DLGAP1: variants seen among roughly 807,000 people sequenced by gnomAD.
DLGAP1 encodes disks large-associated protein 1.
A neutral mutation model predicts 90.8 loss-of-function variants in DLGAP1; 11 were observed. That is an observed-to-expected ratio of 0.12 (90% CI 0.08 to 0.20). The LOEUF (loss-of-function observed/expected upper bound fraction) is 0.20, where lower values mean the gene tolerates loss of function less well. Among genes scored for constraint, DLGAP1 ranks in the 10% least tolerant of loss-of-function variants. The probability of loss-of-function intolerance (pLI) is 1.00; values close to 1 mark genes in which losing one functional copy is unlikely to be tolerated. For missense variants in DLGAP1, 1,050 were observed against 1,333.8 expected (o/e 0.79, Z 3.31); for synonymous variants, 558 against 540.7 (o/e 1.03, Z -0.44).
At chr18:3,844,849 T>A (rs982599117) in intron 4 of DLGAP1, among the ~76,000 whole-genome samples, 2 of 152,202 alleles carry the variant, frequency 1.3e-5, no homozygotes, top group African/African-American at 4.8e-5. Flanking sequence ...AAATTCAACA[T>A]CAATTTACAC....
At chr18:4,403,849 T>C (rs2082608240) in intron 1 of DLGAP1, among the ~76,000 whole-genome samples, 1 of 152,192 alleles carries the variant, frequency 6.6e-6, no homozygotes, top group African/African-American at 2.4e-5. Context: ...GGTTTCACAC[T>C]TAAGTAATTA....
chr18:3,970,770 C>T (rs537398309), intron 3 of DLGAP1, among the ~76,000 whole-genome samples: 2 of 152,186 alleles, frequency 1.3e-5, no homozygotes, highest in African/African-American at 4.8e-5. Context: ...TTAATATTAA[C>T]ATTAAAAATC....
At chr18:3,751,868 CT>C (rs1198123750) in intron 5 of DLGAP1, among the ~76,000 whole-genome samples, 1 of 137,146 alleles carries the variant, frequency 7.3e-6, no homozygotes, top group Non-Finnish European at 1.5e-5. Flanking sequence ...CGGACTTCTT[CT>C]TCTTCTTCTT....
Position 4,454,884 on chromosome 18 carries a change from G to A in DLGAP1, c.-267+122C>T, listed in dbSNP as rs2083935081. 1 of 151,466 alleles carries A rather than the reference G, an allele frequency of 6.6e-6. No individual in the cohort carries two copies. The highest frequency in any genetic ancestry group is 1.5e-5 in the Non-Finnish European group (1 of 67,820). The allele number at this position is 151,466 out of a possible 1,614,324, so 9.4% of individuals were successfully genotyped here. A position where few individuals can be genotyped will look rare whatever the true frequency, so the allele number is the denominator to read the frequency against. ...GCCAGCGGCCGGGGGAGCCCAGCCCGCAGCCCCTCCGCGGGCGAGGGAAGC... is the reference window on the plus strand; with the variant it reads ...GCCAGCGGCCGGGGGAGCCCAGCCCACAGCCCCTCCGCGGGCGAGGGAAGC... On this transcript the variant is annotated intron_variant, in intron 1 of 12. Transcript: ENST00000315677. This position sits in a 1 kb window ranked among gnomAD's most constrained non-coding sequence, Gnocchi z 4.7.
intron 1 of DLGAP1, among the ~76,000 whole-genome samples, chr18:4,163,470 T>C (rs1345766434): frequency 6.6e-6 from 1 of 152,222 alleles, no homozygotes; most frequent in Non-Finnish European, 1.5e-5. Flanking sequence ...GAAAGTGTGA[T>C]ATGAACTGTA....
intron 3 of DLGAP1, among the ~76,000 whole-genome samples, chr18:3,910,819 GA>G (rs1448263243): frequency 6.6e-6 from 1 of 152,036 alleles, no homozygotes; most frequent in East Asian, 1.9e-4. Context: ...AAATATTGCA[GA>G]AAATTAGAAT....
At chr18:3,808,090 T>C (rs2066651876) in intron 5 of DLGAP1, among the ~76,000 whole-genome samples, 1 of 152,246 alleles carries the variant, frequency 6.6e-6, no homozygotes, top group East Asian at 1.9e-4. Context: ...GGACTCAATG[T>C]AATAGGCGAT....
intron 1 of DLGAP1, among the ~76,000 whole-genome samples, chr18:4,328,105 C>T (rs1211342585): frequency 6.7e-6 from 1 of 150,232 alleles, no homozygotes; most frequent in Non-Finnish European, 1.5e-5. Context: ...TTCTTTCCTC[C>T]CCGCTTCCCC....
chr18:3,744,242 G>A (rs2063174952), intron 5 of DLGAP1, among the ~76,000 whole-genome samples: 1 of 151,972 alleles, frequency 6.6e-6, no homozygotes, highest in South Asian at 2.1e-4. Flanking sequence ...AAAACCATGA[G>A]AACTTTTAAG....
At position 3,498,921 on chromosome 18, in the gene DLGAP1, T is replaced by G; in HGVS notation, c.*264A>C. ...TTGGCTTTGCCCAGAAAATAAAGGGTTGGATCTCAGTATGAGGCAGGGCGA... is the reference window on the plus strand; with the variant it reads ...TTGGCTTTGCCCAGAAAATAAAGGGGTGGATCTCAGTATGAGGCAGGGCGA... On this transcript the variant is annotated 3_prime_UTR_variant, in exon 13 of 13. Coordinates refer to ENST00000315677, the MANE Select transcript of DLGAP1 (RefSeq NM_004746.4). 1 of 490,222 alleles carries G rather than the reference T, an allele frequency of 2.0e-6. No individual in the cohort carries two copies. Among genetic ancestry groups the G allele is most frequent in the Non-Finnish European group, 3.6e-6 (1 of 279,624 alleles). 30.4% of individuals were successfully genotyped at this position (490,222 alleles called of 1,614,324 possible).
chr18:3,912,398 AG>A lies in DLGAP1; in HGVS notation c.-72-32259del, dbSNP rs375170660. The stretch of plus-strand genomic sequence containing the variant: ...GGGAGACTGACCTAATATGAGGCCT[AG>A]TGTGCGAGGTTTATTCTCCCAGGTA... On this transcript the variant is annotated intron_variant, in intron 3 of 12. Transcript: ENST00000315677. Among the ~76,000 whole-genome samples the A allele has an allele frequency of 3.0e-3, 457 of 152,270 alleles. 3 individuals carry two copies. The highest frequency in any genetic ancestry group is 0.01 in the African/African-American group (427 of 41,552).
At chr18:3,515,237 A>G (rs1429590998) in intron 10 of DLGAP1, among the ~76,000 whole-genome samples, 1 of 151,966 alleles carries the variant, frequency 6.6e-6, no homozygotes, top group African/African-American at 2.4e-5. Context: ...TTGGGAGGCC[A>G]AGGTGGGTGG....
At chr18:3,765,117 CTTTTTT>C (rs921982904) in intron 5 of DLGAP1, among the ~76,000 whole-genome samples, 5 of 126,414 alleles carry the variant, frequency 4.0e-5, no homozygotes, top group African/African-American at 1.2e-4. Context: ...CACTTGCAAA[CTTTTTT>C]TTTTTTCTTT....
At chr18:4,044,690 G>A (rs11874022) in intron 2 of DLGAP1, among the ~76,000 whole-genome samples, 11,723 of 152,084 alleles carry the variant, frequency 0.077, 541 homozygotes, top group African/African-American at 0.12. Context: ...GCAGTAAGCC[G>A]AGGTTGCACC....
intron 1 of DLGAP1, among the ~76,000 whole-genome samples, chr18:4,428,232 C>T (rs769675880): frequency 1.1e-4 from 17 of 152,124 alleles, no homozygotes; most frequent in African/African-American, 1.7e-4. Flanking sequence ...TTTACCACCA[C>T]GCGCCTTGGT....
intron 1 of DLGAP1, among the ~76,000 whole-genome samples, chr18:4,252,084 G>T (rs1241623890): frequency 6.6e-6 from 1 of 152,222 alleles, no homozygotes; most frequent in Non-Finnish European, 1.5e-5. Context: ...CCCAAGTGGA[G>T]TTGGAATGAG....
At chr18:3,841,854 C>A (rs182604959) in intron 4 of DLGAP1, among the ~76,000 whole-genome samples, 3 of 151,984 alleles carry the variant, frequency 2.0e-5, no homozygotes, top group Non-Finnish European at 2.9e-5. Flanking sequence ...TGCTGGATCA[C>A]GGGCCACAAC....
chr18:3,523,583 C>T (rs564910191), intron 10 of DLGAP1, among the ~76,000 whole-genome samples: 115 of 152,172 alleles, frequency 7.6e-4, no homozygotes, highest in Non-Finnish European at 1.3e-3. Flanking sequence ...TGCGGTGGCT[C>T]ACGCCTGTAA....
At chr18:3,828,795 C>T (rs2067874907) in intron 4 of DLGAP1, among the ~76,000 whole-genome samples, 2 of 151,792 alleles carry the variant, frequency 1.3e-5, no homozygotes, top group Non-Finnish European at 2.9e-5. Flanking sequence ...AGAAATCTTT[C>T]ATTAAATATC....
Sources: gnomAD v4.1 joint callset for allele counts (sites outside exome capture counted in the v4.1 genomes callset) on GRCh38, gnomAD v4.1.1 for gene constraint, Gnocchi (gnomAD v3.1) non-coding constraint, MANE v1.5 for transcripts, NCBI Gene and HGNC (gene_info 2026-07-23, HGNC 2026-07-21) for gene names.